The following CNTN5 variants were observed in gnomAD, a reference collection of about 807,000 sequenced individuals.
CNTN5 encodes contactin-5.
A neutral mutation model predicts 129.1 loss-of-function variants in CNTN5; 77 were observed. The observed-to-expected ratio is 0.60, with a 90% CI of 0.50 to 0.72. CNTN5 has a LOEUF of 0.72. Among genes scored for constraint, CNTN5 ranks in the 30% least tolerant of loss-of-function variants. The pLI is 0.00. For missense variants in CNTN5, 1,478 were observed against 1,328.8 expected, an observed-to-expected ratio of 1.11 and a Z score of -1.75; for synonymous variants, 509 against 465.6, an observed-to-expected ratio of 1.09 and a Z score of -1.20.
At chr11:99,873,747 T>C (rs1166235140) in intron 6 of CNTN5, among the ~76,000 whole-genome samples, 1 of 152,146 alleles carries the variant, frequency 6.6e-6, no homozygotes, top group African/African-American at 2.4e-5. Flanking sequence ...ATATTAAAAA[T>C]ATATCTGCAC....
chr11:99,926,198 T>G (rs2136055050), intron 7 of CNTN5, among the ~76,000 whole-genome samples: 1 of 152,270 alleles, frequency 6.6e-6, no homozygotes, highest in Non-Finnish European at 1.5e-5. Context: ...GGGGTTGCCT[T>G]AAATCATTAT....
chr11:99,819,919 G>C (rs535366058), intron 4 of CNTN5, among the ~76,000 whole-genome samples, 154 bp downstream of exon 4: 1 of 152,164 alleles, frequency 6.6e-6, no homozygotes, highest in Non-Finnish European at 1.5e-5. Flanking sequence ...TTTAAAGCTG[G>C]GGTGAGCTAG....
chr11:99,098,323 G>A (rs1023403649), intron 1 of CNTN5, among the ~76,000 whole-genome samples: 3 of 152,080 alleles, frequency 2.0e-5, no homozygotes, highest in Admixed American at 6.6e-5. Flanking sequence ...TTAACCTTGA[G>A]AAGCGACATA....
At chr11:100,335,056 G>T (rs1952005247) in intron 21 of CNTN5, among the ~76,000 whole-genome samples, 1 of 151,822 alleles carries the variant, frequency 6.6e-6, no homozygotes, top group South Asian at 2.1e-4. Context: ...GTACTATTCT[G>T]GTGAAGGATT....
intron 2 of CNTN5, among the ~76,000 whole-genome samples, chr11:99,462,360 CTT>C (rs72276833): frequency 0.027 from 3,375 of 125,300 alleles, 41 homozygotes; most frequent in Middle Eastern, 0.064. Context: ...CTTTTCTTTT[CTT>C]TTTTTTTTTT....
chr11:99,711,406 T>A (rs1390880629), intron 3 of CNTN5, among the ~76,000 whole-genome samples: 1 of 151,954 alleles, frequency 6.6e-6, no homozygotes, highest in Non-Finnish European at 1.5e-5. Context: ...AAAAGTATAA[T>A]AAAATAATAT....
At chr11:99,155,605 G>A (rs1464465306) in intron 1 of CNTN5, among the ~76,000 whole-genome samples, 1 of 152,018 alleles carries the variant, frequency 6.6e-6, no homozygotes, top group Non-Finnish European at 1.5e-5. Context: ...TTGATATACT[G>A]TGGTAACTGA....
intron 6 of CNTN5, among the ~76,000 whole-genome samples, chr11:99,855,594 G>A (rs1000131723): frequency 6.6e-6 from 1 of 152,150 alleles, no homozygotes; most frequent in African/African-American, 2.4e-5. Context: ...AGAAAGAAGA[G>A]AGTCCATCTA....
At chr11:99,983,792 A>G (rs1938502139) in intron 8 of CNTN5, among the ~76,000 whole-genome samples, 1 of 152,184 alleles carries the variant, frequency 6.6e-6, no homozygotes, top group African/African-American at 2.4e-5. Flanking sequence ...GTTTGCATAT[A>G]TTGGCCTGGG....
At chr11:99,729,878 A>T (rs117605593) in intron 3 of CNTN5, among the ~76,000 whole-genome samples, 4,377 of 152,168 alleles carry the variant, frequency 0.029, 79 homozygotes, top group Non-Finnish European at 0.043. Context: ...GAGGGGAACA[A>T]CACACATTGG....
At chr11:100,267,017 A>C (rs2138768698) in intron 17 of CNTN5, among the ~76,000 whole-genome samples, 1 of 152,228 alleles carries the variant, frequency 6.6e-6, no homozygotes, top group South Asian at 2.1e-4. Flanking sequence ...AGAACATAAT[A>C]AGAAAGTAAA....
chr11:100,141,447 G>A (rs1200941750), intron 13 of CNTN5, among the ~76,000 whole-genome samples: 1 of 152,016 alleles, frequency 6.6e-6, no homozygotes, highest in African/African-American at 2.4e-5. Context: ...TGAGCACAGG[G>A]GTGTTCTTTT....
chr11:99,031,620 C>T (rs545567564), intron 1 of CNTN5, among the ~76,000 whole-genome samples: 1 of 151,032 alleles, frequency 6.6e-6, no homozygotes, highest in African/African-American at 2.4e-5. Flanking sequence ...AATATTCATA[C>T]CATGAGCTAT....
intron 13 of CNTN5, among the ~76,000 whole-genome samples, chr11:100,131,514 G>A (rs904001355): frequency 1.3e-5 from 2 of 151,974 alleles, no homozygotes; most frequent in East Asian, 1.9e-4. Flanking sequence ...TGTTTGGGGG[G>A]AAACTGACAC....
At chr11:99,301,813 T>C (rs1565474853) in intron 1 of CNTN5, among the ~76,000 whole-genome samples, 1 of 151,874 alleles carries the variant, frequency 6.6e-6, no homozygotes, top group East Asian at 1.9e-4. Flanking sequence ...AACTTCTAGA[T>C]AGACCGTAAG....
chr11:99,097,329 G>T (rs2135338053), intron 1 of CNTN5, among the ~76,000 whole-genome samples: 1 of 151,898 alleles, frequency 6.6e-6, no homozygotes, highest in South Asian at 2.1e-4. Flanking sequence ...CGTTCCACTG[G>T]AAAAGAGAAG....
rs187751458 is a variant in CNTN5, at chr11:99,621,283, T to C, written c.55+65014T>C. On this transcript the variant is annotated intron_variant, in intron 3 of 24. Transcript: ENST00000524871. The stretch of plus-strand genomic sequence containing the variant: ...TGAGAAAAGCAATCAGAGGTAATGA[T>C]GTGGAAAAGCCTGGAGTCAGGAGAT... Among the ~76,000 whole-genome samples, 337 of 152,226 alleles carry C rather than the reference T, an allele frequency of 2.2e-3. 1 individual carries two copies. Among genetic ancestry groups the C allele is most frequent in the African/African-American group, 7.4e-3 (307 of 41,546 alleles).
intron 9 of CNTN5, among the ~76,000 whole-genome samples, chr11:100,033,650 T>C (rs1565807683): frequency 1.3e-5 from 2 of 152,208 alleles, no homozygotes; most frequent in Non-Finnish European, 2.9e-5. Context: ...TCACTAAATA[T>C]TTCATTGTCT....
At chr11:100,332,034 A>G (rs1951916711) in intron 21 of CNTN5, among the ~76,000 whole-genome samples, 1 of 152,104 alleles carries the variant, frequency 6.6e-6, no homozygotes, top group Admixed American at 6.5e-5. Flanking sequence ...CAAAAGATAA[A>G]TGAAACAAAA....
Sources: allele counts gnomAD v4.1 joint callset (sites outside exome capture counted in the v4.1 genomes callset), GRCh38; gene constraint gnomAD v4.1.1; transcripts MANE v1.5; gene names NCBI Gene and HGNC (gene_info 2026-07-23, HGNC 2026-07-21).